The following FAM107B variants were observed in gnomAD, a reference collection of about 807,000 sequenced individuals.
FAM107B encodes the protein family with sequence similarity 107 member B.
In FAM107B, 21 loss-of-function variants were observed where a neutral mutation model predicts 31.5. That is an observed-to-expected ratio of 0.67 (90% CI 0.47 to 0.96). The LOEUF is 0.96. FAM107B is among the 40% of genes least tolerant of loss of function. The pLI, the probability that FAM107B is intolerant of heterozygous loss-of-function variation, is 0.00. For missense variants in FAM107B, 452 were observed against 377.1 expected (o/e 1.20, Z -1.64); for synonymous variants, 157 against 141.5 (o/e 1.11, Z -0.78).
At chr10:14,582,665 C>T (rs1439629721) in intron 2 of FAM107B, among the ~76,000 whole-genome samples, 1 of 152,104 alleles carries the variant, frequency 6.6e-6, no homozygotes, top group South Asian at 2.1e-4. Flanking sequence ...GCGTGAGCCA[C>T]CACACCCAGC....
At chr10:14,552,408 C>G (rs972758896) in intron 2 of FAM107B, among the ~76,000 whole-genome samples, 3 of 151,784 alleles carry the variant, frequency 2.0e-5, no homozygotes, top group Non-Finnish European at 4.4e-5. Flanking sequence ...TATCTCAGAT[C>G]GGAGGCTTTC....
At chr10:14,661,374 A>G (rs1564617741) in intron 2 of FAM107B, among the ~76,000 whole-genome samples, 1 of 152,228 alleles carries the variant, frequency 6.6e-6, no homozygotes, top group Non-Finnish European at 1.5e-5. Flanking sequence ...CAGTAAACTC[A>G]GTGAAGCTGA....
In FAM107B at chr10:14,671,885, CA is replaced by C. The variant is rs1277490948; in HGVS notation, c.412-4195del. 3.0e-3 allele frequency among the ~76,000 whole-genome samples: 118 copies of C among 38,756 alleles called. 1 individual carries two copies. The highest frequency in any genetic ancestry group is 0.012 in the Admixed American group (43 of 3,692). 25.4% of individuals were successfully genotyped at this position (38,756 alleles called of 152,430 possible). A position where few individuals can be genotyped will look rare whatever the true frequency, so the allele number is the denominator to read the frequency against. ...CTCCCTTTTATTTAAAAAAAAAAAA[CA>C]AAAAAACAAAAAAAAAACCCTCTAT... On this transcript the variant is annotated intron_variant, in intron 1 of 4. Transcript: ENST00000181796.
At chr10:14,729,982 G>C (rs1856134852) in intron 1 of FAM107B, among the ~76,000 whole-genome samples, 1 of 152,128 alleles carries the variant, frequency 6.6e-6, no homozygotes, top group African/African-American at 2.4e-5. Flanking sequence ...AATGGGAGTT[G>C]AACAATGAGA....
intron 1 of FAM107B, among the ~76,000 whole-genome samples, chr10:14,766,207 G>T (rs1019465824): frequency 2.0e-5 from 3 of 152,148 alleles, no homozygotes; most frequent in African/African-American, 7.2e-5. Context: ...ACATGTTTTG[G>T]ATCTGCTTCT....
At chr10:14,678,129 G>A (rs1854734122) in intron 1 of FAM107B, among the ~76,000 whole-genome samples, 1 of 152,174 alleles carries the variant, frequency 6.6e-6, no homozygotes, top group Admixed American at 6.5e-5. Context: ...AGTCTGTGCT[G>A]ACAAACCCTA....
chr10:14,642,895 G>T (rs1040119649), intron 2 of FAM107B, among the ~76,000 whole-genome samples: 1 of 152,108 alleles, frequency 6.6e-6, no homozygotes, highest in African/African-American at 2.4e-5. Context: ...CCAATTTCCA[G>T]TAACACAATC....
At chr10:14,752,139 C>T (rs551490954) in intron 1 of FAM107B, among the ~76,000 whole-genome samples, 113 of 152,322 alleles carry the variant, frequency 7.4e-4, no homozygotes, top group African/African-American at 2.6e-3. Context: ...AGCAGACTCC[C>T]GCAGGGAGCC....
chr10:14,771,959 T>C (rs962158524), intron 1 of FAM107B, among the ~76,000 whole-genome samples: 7 of 152,152 alleles, frequency 4.6e-5, no homozygotes, highest in Non-Finnish European at 8.8e-5. Flanking sequence ...CAAACAGAAG[T>C]GGGTTCCAGT....
intron 2 of FAM107B, among the ~76,000 whole-genome samples, chr10:14,623,953 C>T (rs1853085489): frequency 6.6e-6 from 1 of 152,220 alleles, no homozygotes; most frequent in African/African-American, 2.4e-5. Flanking sequence ...CAACACTGAA[C>T]ACTGGTGAAG....
chr10:14,551,016 C>CT (rs1237776409), intron 2 of FAM107B, among the ~76,000 whole-genome samples: 1 of 152,080 alleles, frequency 6.6e-6, no homozygotes, highest in Non-Finnish European at 1.5e-5. Context: ...ATCTGAACAG[C>CT]TTAATTACAG....
intron 1 of FAM107B, among the ~76,000 whole-genome samples, chr10:14,761,901 T>A (rs1208861360): frequency 6.6e-6 from 1 of 152,220 alleles, no homozygotes; most frequent in Admixed American, 6.5e-5. Context: ...ACCGGGCCGA[T>A]GGCTCATTTT....
intron 2 of FAM107B, among the ~76,000 whole-genome samples, chr10:14,572,739 T>TTTATATATATATATA (rs1325278545): frequency 1.2e-4 from 11 of 91,982 alleles, no homozygotes; most frequent in Admixed American, 4.9e-4. Flanking sequence ...AAAAAAAAAT[T>TTTATATATATATATA]TATATATATA....
intron 2 of FAM107B, among the ~76,000 whole-genome samples, chr10:14,533,170 C>T (rs573196673): frequency 3.3e-5 from 5 of 152,134 alleles, no homozygotes; most frequent in Non-Finnish European, 7.4e-5. Context: ...AGGTTTAGAA[C>T]GGGCTGCAGG....
At chr10:14,757,406 C>T (rs1201723380) in intron 1 of FAM107B, among the ~76,000 whole-genome samples, 2 of 152,034 alleles carry the variant, frequency 1.3e-5, no homozygotes, top group African/African-American at 4.8e-5. Flanking sequence ...TTGCCGGCCC[C>T]TATAACTGCA....
At chr10:14,710,447 C>T (rs200894052) in intron 1 of FAM107B, among the ~76,000 whole-genome samples, 13,274 of 149,446 alleles carry the variant, frequency 0.089, 628 homozygotes, top group East Asian at 0.14. Flanking sequence ...CACACACACA[C>T]ACACACACAC....
At chr10:14,610,989 T>C (rs1477789193) in intron 2 of FAM107B, among the ~76,000 whole-genome samples, 2 of 152,218 alleles carry the variant, frequency 1.3e-5, no homozygotes, top group Non-Finnish European at 2.9e-5. Context: ...AAAGGGACTC[T>C]ATGAAATGGT....
chr10:14,687,366 G>A (rs189175063), intron 1 of FAM107B, among the ~76,000 whole-genome samples: 236 of 152,296 alleles, frequency 1.5e-3, no homozygotes, highest in Non-Finnish European at 2.7e-3. Flanking sequence ...AGCATTCTGA[G>A]CTCTTTAGAA....
chr10:14,576,226 T>A (rs925603531), intron 2 of FAM107B, among the ~76,000 whole-genome samples: 1 of 152,172 alleles, frequency 6.6e-6, no homozygotes, highest in African/African-American at 2.4e-5. Context: ...TCACCACGAT[T>A]TTTTAAAAAG....
Sources: gnomAD v4.1 joint callset for allele counts (sites outside exome capture counted in the v4.1 genomes callset) on GRCh38, gnomAD v4.1.1 for gene constraint, MANE v1.5 for transcripts, NCBI Gene and HGNC (gene_info 2026-07-23, HGNC 2026-07-21) for gene names.